The following SYNE2 variants were observed in gnomAD, a reference collection of about 807,000 sequenced individuals.
SYNE2 encodes the protein nesprin-2.
Under a neutral mutation model 856.3 loss-of-function variants are expected in SYNE2, and 431 were observed. The ratio of observed to expected loss-of-function variants is 0.50; its 90% CI spans 0.47 to 0.55. The LOEUF (loss-of-function observed/expected upper bound fraction) is 0.55, where lower values mean the gene tolerates loss of function less well. SYNE2 is among the 20% of genes least tolerant of loss of function. The pLI is 0.00. For synonymous variants in SYNE2, 2,923 were observed against 2,872.3 expected (o/e 1.02, Z -0.56); for missense variants, 8,129 against 8,023.2 (o/e 1.01, Z -0.50).
intron 51 of SYNE2, among the ~76,000 whole-genome samples, chr14:64,069,640 A>T (rs1221850872): frequency 6.6e-6 from 1 of 152,208 alleles, no homozygotes; most frequent in Admixed American, 6.5e-5. Context: ...AGGTCCGTTC[A>T]GTGCTGTGTC....
intron 23 of SYNE2, among the ~76,000 whole-genome samples, chr14:63,996,444 G>A (rs994993761): frequency 6.6e-6 from 1 of 152,178 alleles, no homozygotes; most frequent in Non-Finnish European, 1.5e-5. Flanking sequence ...AGGCCACTTA[G>A]TTCCTTCACT....
intron 96 of SYNE2, among the ~76,000 whole-genome samples, chr14:64,183,175 C>CGG (rs1567573225): frequency 3.9e-4 from 58 of 146,880 alleles, no homozygotes; most frequent in African/African-American, 1.4e-3. Context: ...GACTGCCGGG[C>CGG]AGAGACGCTC....
At chr14:64,116,794 T>G (rs2097856723) in intron 66 of SYNE2, among the ~76,000 whole-genome samples, 1 of 152,086 alleles carries the variant, frequency 6.6e-6, no homozygotes, top group Non-Finnish European at 1.5e-5. Context: ...ATTACAAAAG[T>G]GAAGAACTAG....
chr14:64,018,935 C>A (rs908500515), intron 34 of SYNE2, among the ~76,000 whole-genome samples: 11 of 152,172 alleles, frequency 7.2e-5, no homozygotes, highest in African/African-American at 2.7e-4. Context: ...AGGAAGAATT[C>A]TTCCTAATTG....
intron 1 of SYNE2, among the ~76,000 whole-genome samples, chr14:63,780,560 C>T (rs1388703797): frequency 2.0e-5 from 3 of 152,094 alleles, no homozygotes; most frequent in Non-Finnish European, 2.9e-5. Context: ...TAGGATCAAA[C>T]TATACAGTTT....
chr14:63,776,334 A>G (rs888437239), intron 1 of SYNE2, among the ~76,000 whole-genome samples: 5 of 152,216 alleles, frequency 3.3e-5, no homozygotes, highest in Non-Finnish European at 7.3e-5. Context: ...TTTGAACTTA[A>G]GTAATATCTA....
At chr14:63,791,026 G>A (rs553853830) in intron 1 of SYNE2, among the ~76,000 whole-genome samples, 2 of 151,852 alleles carry the variant, frequency 1.3e-5, no homozygotes, top group African/African-American at 4.8e-5. Context: ...GGCATTATCT[G>A]GGCTCACTGC....
intron 2 of SYNE2, among the ~76,000 whole-genome samples, chr14:63,918,525 A>T (rs2095558587): frequency 1.3e-5 from 2 of 152,222 alleles, no homozygotes; most frequent in Non-Finnish European, 2.9e-5. Flanking sequence ...GAATGTCTGA[A>T]GTTCTGAATA....
Position 64,215,941 on chromosome 14 carries a change from T to G in SYNE2, c.19403-307T>G, listed in dbSNP as rs144379110. The G allele has an allele frequency of 1.5e-3, 1,969 of 1,326,030 alleles. 19 individuals carry two copies. The African/African-American group carries it at 0.021, about 14-fold the overall frequency. 82.1% of individuals were successfully genotyped at this position (1,326,030 alleles called of 1,614,324 possible). ...CACTCCTGAGAGGCCTTCTGCCATC[T>G]TGGTCCCCAGACCCGGCCTTGCCAC... On this transcript the variant is annotated intron_variant, in intron 107 of 115. Coordinates refer to ENST00000555002, the MANE Select transcript of SYNE2 (RefSeq NM_182914.3).
chr14:64,102,527 T>TA (rs1344579922), intron 64 of SYNE2, among the ~76,000 whole-genome samples: 5 of 145,266 alleles, frequency 3.4e-5, no homozygotes, highest in Non-Finnish European at 7.5e-5. Context: ...TTTTTTTTTT[T>TA]AGCTGACAAC....
intron 1 of SYNE2, among the ~76,000 whole-genome samples, chr14:63,901,439 C>T (rs955459399): frequency 7.2e-5 from 11 of 151,904 alleles, no homozygotes; most frequent in Admixed American, 5.3e-4. Context: ...ATTTTAAAAA[C>T]GCAGATAAAA....
chr14:64,142,025 T>G lies in SYNE2; in HGVS notation c.15243T>G (p.Asp5081Glu), dbSNP rs1439636138. The change falls in exon 82 of 116, where the codon GAT becomes GAG. Residue 5081 changes from aspartate to glutamate, a missense_variant. Asp to Glu is a conservative substitution (Grantham distance 45). Transcript: ENST00000555002. ...WMNNVEHQTSDEDSVHSPSSA... is the reference protein window; with the variant it reads ...WMNNVEHQTSEEDSVHSPSSA... The stretch of plus-strand genomic sequence containing the variant: ...ACAATGTGGAGCATCAAACTTCAGA[T>G]GAAGACTCCGTGCATTCACCAAGTT... The G allele has an allele frequency of 6.2e-7, 1 of 1,614,062 alleles. No homozygotes were observed. Among genetic ancestry groups the G allele is most frequent in the African/African-American group, 1.3e-5 (1 of 74,950 alleles).
At chr14:64,198,242 G>A (rs1201702465) in intron 99 of SYNE2, among the ~76,000 whole-genome samples, 1 of 152,234 alleles carries the variant, frequency 6.6e-6, no homozygotes, top group East Asian at 1.9e-4. Context: ...GTCAGGCAGT[G>A]TTGTGGTTGC....
chr14:63,993,652 T>C (rs2096687246), intron 21 of SYNE2, among the ~76,000 whole-genome samples, 183 bp from the exon 22 acceptor site: 2 of 152,288 alleles, frequency 1.3e-5, no homozygotes, highest in South Asian at 4.1e-4. Flanking sequence ...ATTTAAGAGA[T>C]TTCAAAGGGC....
Position 64,170,334 on chromosome 14 carries a change from C to G in SYNE2, c.17107C>G (p.Gln5703Glu). The part of the protein sequence containing the change: ...GDVDGLVRQW[Q>E]DFTTSVENLF... ...CGTTGATGGGCTGGTGAGGCAGTGG[C>G]AAGATTTCACTACTTCTGTGGAGAA... The change falls in exon 94 of 116, where the codon CAA (glutamine) becomes GAA (glutamate). Residue 5703 changes from glutamine (Q) to glutamate (E), a missense_variant. Transcript: ENST00000555002. 6.2e-7 allele frequency: 1 copy of G among 1,614,158 alleles called. No individual in the cohort carries two copies. The highest frequency in any genetic ancestry group is 8.5e-7 in the Non-Finnish European group (1 of 1,180,024).
intron 101 of SYNE2, 188 bp downstream of exon 101, chr14:64,209,133 G>T: frequency 1.1e-6 from 1 of 906,780 alleles, no homozygotes; most frequent in Admixed American, 2.1e-5. Context: ...TCTCTCCCCA[G>T]CTGTCCTGTG....
intron 1 of SYNE2, among the ~76,000 whole-genome samples, chr14:63,765,920 T>G (rs903330709): frequency 1.3e-5 from 2 of 152,108 alleles, no homozygotes; most frequent in Non-Finnish European, 2.9e-5. Flanking sequence ...GCAGGAGGAT[T>G]GCTTGAGCCA....
In SYNE2 at chr14:64,039,254, G is replaced by A. The variant is rs189496292; in HGVS notation, c.7221+7897G>A. 1.7e-3 allele frequency among the ~76,000 whole-genome samples: 253 copies of A among 152,370 alleles called. 1 individual carries two copies. Among genetic ancestry groups the A allele is most frequent in the Non-Finnish European group, 2.5e-3 (170 of 68,038 alleles). On this transcript the variant is annotated intron_variant, in intron 45 of 115. Transcript: ENST00000555002. The stretch of plus-strand genomic sequence containing the variant: ...TGCCAGGTTACAAGTATTGGATTTA[G>A]GTTTCTGCCTGTCACAAAGTTACCA...
intron 73 of SYNE2, among the ~76,000 whole-genome samples, chr14:64,128,068 G>A (rs1288201323): frequency 5.9e-5 from 9 of 152,210 alleles, no homozygotes; most frequent in African/African-American, 2.2e-4. Context: ...TGTGAATTCT[G>A]TCTGGATAGT....
Sources: allele counts gnomAD v4.1 joint callset (sites outside exome capture counted in the v4.1 genomes callset), GRCh38; gene constraint gnomAD v4.1.1; transcripts MANE v1.5; gene names NCBI Gene and HGNC (gene_info 2026-07-23, HGNC 2026-07-21).